TMED6: variants seen among roughly 807,000 people sequenced by gnomAD.
TMED6 encodes the protein transmembrane emp24 domain-containing protein 6.
TMED6 carries 17 observed loss-of-function variants against 26.5 expected under a neutral mutation model. The ratio of observed to expected loss-of-function variants is 0.64; its 90% confidence interval spans 0.44 to 0.96. The LOEUF is 0.96. Among genes scored for constraint, TMED6 ranks in the 40% least tolerant of loss-of-function variants. The pLI, the probability that TMED6 is intolerant of heterozygous loss-of-function variation, is 0.00. For synonymous variants in TMED6, 107 were observed against 106.2 expected (o/e 1.01, Z -0.04); for missense variants, 309 against 296.5 (o/e 1.04, Z -0.31).
At chr16:69,349,434 C>T in intron 2 of TMED6, 91 bp downstream of exon 2, 1 of 1,454,022 alleles carries the variant, frequency 6.9e-7, no homozygotes, top group Admixed American at 2.1e-5. Flanking sequence ...TTTTTTCCTA[C>T]TGTTAAAACA....
chr16:69,349,683 C>T, intron 1 of TMED6, 32 bp from the exon 2 acceptor site: 1 of 1,602,930 alleles, frequency 6.2e-7, no homozygotes, highest in Non-Finnish European at 8.5e-7. Flanking sequence ...GTAGCAGAAC[C>T]CCTGCTACAT....
chr16:69,348,927 T>A (rs2012733531), intron 2 of TMED6, among the ~76,000 whole-genome samples: 1 of 152,232 alleles, frequency 6.6e-6, no homozygotes, highest in Non-Finnish European at 1.5e-5. Flanking sequence ...TTCAAGATCT[T>A]TTAACACTGA....
At chr16:69,343,776 G>C in intron 3 of TMED6, 136 bp from the exon 4 acceptor site, 1 of 722,002 alleles carries the variant, frequency 1.4e-6, no homozygotes, top group Non-Finnish European at 2.3e-6. Context: ...AATGATAGTT[G>C]TTAAATGTTG....
rs551266283 is a variant in TMED6, at chr16:69,347,525, A to G, written c.489+263T>C. 6.6e-5 allele frequency among the ~76,000 whole-genome samples: 10 copies of G among 152,142 alleles called. No homozygotes were observed. The South Asian group carries it at 1.0e-3, about 16-fold the overall frequency. On this transcript the variant is annotated intron_variant, in intron 3 of 3. Coordinates refer to ENST00000288025, the MANE Select transcript of TMED6 (RefSeq NM_144676.4). The stretch of plus-strand genomic sequence containing the variant: ...CAGGTGCGCACCACCACGCCCAGCT[A>G]ATTTTTGTATTTTTAGTAGAGACAG...
intron 3 of TMED6, among the ~76,000 whole-genome samples, chr16:69,345,468 G>A (rs1177542579): frequency 6.6e-6 from 1 of 151,724 alleles, no homozygotes; most frequent in Non-Finnish European, 1.5e-5. Flanking sequence ...CAGATCACAA[G>A]GTCAGGAGTT....
intron 2 of TMED6, 84 bp downstream of exon 2, chr16:69,349,441 A>G: frequency 6.7e-7 from 1 of 1,491,872 alleles, no homozygotes; most frequent in Non-Finnish European, 9.0e-7. Flanking sequence ...CTACTGTTAA[A>G]ACATCTCTGT....
intron 1 of TMED6, 50 bp downstream of exon 1, chr16:69,351,491 A>T (rs2012774810): frequency 1.9e-6 from 3 of 1,567,256 alleles, no homozygotes; most frequent in Non-Finnish European, 2.6e-6. Context: ...CCACTTTATG[A>T]GTAAAGGAGA....
At chr16:69,344,625 T>C (rs1260414466) in intron 3 of TMED6, among the ~76,000 whole-genome samples, 1 of 151,024 alleles carries the variant, frequency 6.6e-6, no homozygotes, top group Non-Finnish European at 1.5e-5. Context: ...ATACAAAAAT[T>C]AGCCAGGTGT....
chr16:69,351,560 T>A lies in TMED6; in HGVS notation c.194A>T (p.Tyr65Phe). 1 of 1,613,722 alleles carries A rather than the reference T, an allele frequency of 6.2e-7. No individual in the cohort carries two copies. Among genetic ancestry groups the A allele is most frequent in the Non-Finnish European group, 8.5e-7 (1 of 1,179,960 alleles). ...CFWQFAHQTG[Y>F]FYFSYEVQRT... Reference sequence around the variant, plus strand: ...ACATACCTCGTAACTGAAATAGAAGTATCCAGTCTGGTGGGCAAATTGCCA... The same window carrying A: ...ACATACCTCGTAACTGAAATAGAAGAATCCAGTCTGGTGGGCAAATTGCCA... Residue 65 changes from tyrosine to phenylalanine, a missense_variant, in exon 1 of 4, where the codon TAC (tyrosine) becomes TTC (phenylalanine). Physicochemically the swap from Tyr to Phe is conservative, Grantham distance 22. Coordinates refer to ENST00000288025, the MANE Select transcript of TMED6 (RefSeq NM_144676.4).
At chr16:69,350,618 A>G (rs573771285) in intron 1 of TMED6, among the ~76,000 whole-genome samples, 2 of 152,256 alleles carry the variant, frequency 1.3e-5, no homozygotes, top group Admixed American at 6.5e-5. Context: ...GAGTTCTTGA[A>G]TGAACTTGCT....
chr16:69,343,380 C>T lies in TMED6; in HGVS notation c.*27G>A, dbSNP rs564848410. ...GATTCGACTAAGCCCCAGAAGAAAA[C>T]AGCCAGGGTGCTATAGTCACCTTAG... On this transcript the variant is annotated 3_prime_UTR_variant, in exon 4 of 4. Transcript: ENST00000288025. 2 of 1,582,560 alleles carry T rather than the reference C, an allele frequency of 1.3e-6. No homozygotes were observed. The highest frequency in any genetic ancestry group is 2.3e-5 in the East Asian group (1 of 44,290).
rs75720093 is a variant in TMED6, at chr16:69,343,653, C to G, written c.490-13G>C. 6.4e-4 allele frequency: 1,028 copies of G among 1,605,596 alleles called. 5 individuals are homozygous for G. In the African/African-American group the frequency reaches 0.012, roughly 19 times the overall value. Reference sequence around the variant, plus strand: ...TTTGTGTGCCGTCCTATGAGAGAGACAATTTTAAGGGGGATTCTTCCAAAC... The same window carrying G: ...TTTGTGTGCCGTCCTATGAGAGAGAGAATTTTAAGGGGGATTCTTCCAAAC... On this transcript the variant is annotated splice_polypyrimidine_tract_variant and intron_variant, in intron 3 of 3. Coordinates refer to ENST00000288025, the MANE Select transcript of TMED6 (RefSeq NM_144676.4).
intron 1 of TMED6, 117 bp downstream of exon 1, chr16:69,351,424 G>A (rs1424648304): frequency 3.3e-6 from 3 of 896,560 alleles, no homozygotes; most frequent in African/African-American, 1.7e-5. Flanking sequence ...TCATTAACAG[G>A]TGGGGAATCA....
At position 69,351,543 on chromosome 16, in the gene TMED6, C is replaced by T. The variant is rs1239149051; in HGVS notation, c.211G>A (p.Glu71Lys). 2 of 1,613,976 alleles carry T rather than the reference C, an allele frequency of 1.2e-6. No individual in the cohort carries two copies. Among genetic ancestry groups the T allele is most frequent in the African/African-American group, 1.3e-5 (1 of 75,002 alleles). The change falls in exon 1 of 4, where the codon GAG (glutamate) becomes AAG (lysine). Residue 71 changes from glutamate to lysine, a missense_variant and splice_region_variant. Physicochemically the swap from Glu to Lys is moderately conservative, Grantham distance 56. Transcript: ENST00000288025. ...HQTGYFYFSY[E>K]VQRTVGMSHD... ...AGTATGGCCAGTCACCCACATACCT[C>T]GTAACTGAAATAGAAGTATCCAGTC...
At chr16:69,348,950 G>A (rs1486286034) in intron 2 of TMED6, among the ~76,000 whole-genome samples, 1 of 152,182 alleles carries the variant, frequency 6.6e-6, no homozygotes, top group Non-Finnish European at 1.5e-5. Flanking sequence ...CACATGCTGT[G>A]CTTCATAGTG....
intron 3 of TMED6, among the ~76,000 whole-genome samples, chr16:69,345,661 C>T (rs1002784655): frequency 4.1e-5 from 5 of 121,190 alleles, no homozygotes; most frequent in East Asian, 4.5e-4. Context: ...CCAGCCTGGA[C>T]GACAGACTGA....
intron 3 of TMED6, among the ~76,000 whole-genome samples, chr16:69,344,624 T>C (rs2012652135): frequency 6.6e-6 from 1 of 150,988 alleles, no homozygotes; most frequent in African/African-American, 2.4e-5. Context: ...AATACAAAAA[T>C]TAGCCAGGTG....
rs143433971 is a variant in TMED6 at position 69,351,673 on chromosome 16, T to C, written c.81A>G (p.Leu27=). 4 of 1,613,822 alleles carry C rather than the reference T, an allele frequency of 2.5e-6. No individual in the cohort carries two copies. Among genetic ancestry groups the C allele is most frequent in the Admixed American group, 1.7e-5 (1 of 59,972 alleles). Residue 27 remains leucine (L), a synonymous_variant, in exon 1 of 4, where the codon CTA becomes CTG. Transcript: ENST00000288025. ...TSARSQKTEP[L]SGSGDQPLFR... ...AGAGTGGCTGGTCCCCAGAGCCACT[T>C]AGAGGTTCTGTCTTCTGGCTCCTGG... is the stretch of plus-strand genomic sequence containing the variant.
chr16:69,344,652 A>G (rs180790190), intron 3 of TMED6, among the ~76,000 whole-genome samples: 1 of 151,800 alleles, frequency 6.6e-6, no homozygotes, highest in Admixed American at 6.6e-5. Flanking sequence ...ACACGCCTGT[A>G]ATCCCAGCTA....
Sources: allele counts gnomAD v4.1 joint callset (sites outside exome capture counted in the v4.1 genomes callset), GRCh38; gene constraint gnomAD v4.1.1; transcripts MANE v1.5; gene names NCBI Gene and HGNC (gene_info 2026-07-23, HGNC 2026-07-21).